HCN1: variants seen among roughly 807,000 people sequenced by gnomAD.
HCN1 encodes the protein hyperpolarization activated cyclic nucleotide gated potassium channel 1.
In HCN1, 13 loss-of-function variants were observed where a neutral mutation model predicts 78.9. That is an observed-to-expected ratio of 0.16 (90% confidence interval 0.11 to 0.26). The LOEUF is 0.26. Among genes scored for constraint, HCN1 ranks in the 10% least tolerant of loss-of-function variants. HCN1 has a pLI of 1.00. For missense variants in HCN1, 810 were observed against 1,154.3 expected, an observed-to-expected ratio of 0.70 and a Z score of 4.32; for synonymous variants, 552 against 455.5, an observed-to-expected ratio of 1.21 and a Z score of -2.70.
intron 1 of HCN1, among the ~76,000 whole-genome samples, chr5:45,652,472 C>T (rs1745692509): frequency 6.6e-6 from 1 of 151,980 alleles, no homozygotes. Flanking sequence ...CCCAACTCTT[C>T]TTCCTTCTAT....
intron 2 of HCN1, among the ~76,000 whole-genome samples, chr5:45,544,263 A>C (rs1485869261): frequency 6.6e-6 from 1 of 152,138 alleles, no homozygotes. Context: ...AGAATGAATT[A>C]GTTTTCATTA....
rs1350645632 is a variant in HCN1, at chr5:45,424,296, C to CAAACAAACAAACAAAAAACAA, written c.1012-27607_1012-27587dup. On this transcript the variant is annotated intron_variant, in intron 3 of 7. Transcript: ENST00000303230. ...TGATAGAGCTAGACTCCGCCTCAAA[C>CAAACAAACAAACAAAAAACAA]AAACAAACAAACAAAAAACAAAAAC... Among the ~76,000 whole-genome samples, 96 of 151,172 alleles carry CAAACAAACAAACAAAAAACAA rather than the reference C, an allele frequency of 6.4e-4. 1 individual carries two copies. Among genetic ancestry groups the CAAACAAACAAACAAAAAACAA allele is most frequent in the African/African-American group, 2.3e-3 (93 of 41,158 alleles).
chr5:45,445,974 A>G (rs1740785641), intron 3 of HCN1, among the ~76,000 whole-genome samples: 1 of 152,238 alleles, frequency 6.6e-6, no homozygotes, highest in African/African-American at 2.4e-5. Context: ...TCTAAAAAGC[A>G]GAGCATCTCT....
chr5:45,369,622 G>A (rs899014401), intron 4 of HCN1, among the ~76,000 whole-genome samples: 1 of 151,864 alleles, frequency 6.6e-6, no homozygotes, highest in African/African-American at 2.4e-5. Context: ...ATTCTTCAGT[G>A]GTAAGAAATT....
At chr5:45,391,585 A>G (rs931264483) in intron 4 of HCN1, among the ~76,000 whole-genome samples, 3 of 152,160 alleles carry the variant, frequency 2.0e-5, no homozygotes, top group Non-Finnish European at 2.9e-5. Context: ...GACAATAATG[A>G]CAAACTCTCC....
At chr5:45,278,971 G>C (rs879517545) in intron 6 of HCN1, among the ~76,000 whole-genome samples, 4 of 152,004 alleles carry the variant, frequency 2.6e-5, no homozygotes, top group Non-Finnish European at 5.9e-5. Context: ...GGCTTACAAA[G>C]CCTAAATATT....
intron 5 of HCN1, among the ~76,000 whole-genome samples, chr5:45,313,823 A>G (rs1167669523): frequency 6.6e-6 from 1 of 152,186 alleles, no homozygotes; most frequent in Non-Finnish European, 1.5e-5. Flanking sequence ...GAGAAAGAAA[A>G]GTAAAAAGAA....
intron 5 of HCN1, among the ~76,000 whole-genome samples, chr5:45,340,644 T>A (rs1036012561): frequency 2.6e-5 from 4 of 151,628 alleles, no homozygotes; most frequent in African/African-American, 9.8e-5. Context: ...AATATGTTGA[T>A]AGAGTTTTTT....
intron 2 of HCN1, among the ~76,000 whole-genome samples, chr5:45,576,859 T>C (rs962025623): frequency 5.9e-5 from 9 of 152,046 alleles, no homozygotes; most frequent in African/African-American, 1.9e-4. Flanking sequence ...TCCCAATTTC[T>C]CCATCAGCCC....
intron 1 of HCN1, among the ~76,000 whole-genome samples, chr5:45,675,608 G>A (rs1469837080): frequency 6.6e-6 from 1 of 151,654 alleles, no homozygotes; most frequent in Non-Finnish European, 1.5e-5. Flanking sequence ...AGTACCTTTT[G>A]ACCATTCCCT....
chr5:45,625,085 T>C (rs1745137042), intron 2 of HCN1, among the ~76,000 whole-genome samples: 1 of 152,108 alleles, frequency 6.6e-6, no homozygotes, highest in South Asian at 2.1e-4. Context: ...GCGTAGTGGC[T>C]CATGCCTGTA....
In HCN1 at chr5:45,265,018, G is replaced by A. The variant is rs548988987; in HGVS notation, c.1783+2071C>T. Reference sequence around the variant, plus strand: ...GTCCTGGCCAACATGGTGAAACCCCGTCTCTACTAAAAATACAAAATATTA... The same window carrying A: ...GTCCTGGCCAACATGGTGAAACCCCATCTCTACTAAAAATACAAAATATTA... On this transcript the variant is annotated intron_variant, in intron 7 of 7. Transcript: ENST00000303230. Among the ~76,000 whole-genome samples, 81 of 152,038 alleles carry A rather than the reference G, an allele frequency of 5.3e-4. 1 individual carries two copies. Among genetic ancestry groups the A allele is most frequent in the Middle Eastern group, 3.4e-3 (1 of 294 alleles).
chr5:45,286,096 A>G (rs1229172208), intron 6 of HCN1, among the ~76,000 whole-genome samples: 1 of 152,024 alleles, frequency 6.6e-6, no homozygotes, highest in Non-Finnish European at 1.5e-5. Context: ...TTCTCATTAT[A>G]TAGGAAAAAG....
At chr5:45,695,531 T>C (rs1001176752) in intron 1 of HCN1, 138 bp downstream of exon 1, 1 of 806,030 alleles carries the variant, frequency 1.2e-6, no homozygotes, top group Non-Finnish European at 2.0e-6. Context: ...GGAGCCTGCT[T>C]AGCCCGAGCC....
chr5:45,397,108 C>G (rs1280451069), intron 3 of HCN1, among the ~76,000 whole-genome samples: 1 of 151,910 alleles, frequency 6.6e-6, no homozygotes, highest in Non-Finnish European at 1.5e-5. Flanking sequence ...ACATACAGGC[C>G]AAAGTATAAA....
intron 2 of HCN1, among the ~76,000 whole-genome samples, chr5:45,616,656 C>T (rs1265044839): frequency 6.6e-6 from 1 of 151,864 alleles, no homozygotes; most frequent in Non-Finnish European, 1.5e-5. Context: ...TTTTACATTA[C>T]ATTGAAGATC....
intron 6 of HCN1, among the ~76,000 whole-genome samples, chr5:45,281,272 C>G (rs539709411): frequency 7.2e-5 from 11 of 151,908 alleles, no homozygotes; most frequent in African/African-American, 2.4e-4. Context: ...AGTGAGTACT[C>G]AAGACTTCTG....
At chr5:45,314,726 A>C (rs1235417949) in intron 5 of HCN1, among the ~76,000 whole-genome samples, 3 of 152,194 alleles carry the variant, frequency 2.0e-5, no homozygotes, top group Non-Finnish European at 4.4e-5. Flanking sequence ...AAGATCTACC[A>C]AGCAAATAGA....
At chr5:45,489,079 G>T (rs1244829355) in intron 2 of HCN1, among the ~76,000 whole-genome samples, 1 of 152,164 alleles carries the variant, frequency 6.6e-6, no homozygotes, top group East Asian at 1.9e-4. Context: ...TTCCTGAGCA[G>T]GGAATCGTTA....
Sources: allele counts gnomAD v4.1 joint callset (sites outside exome capture counted in the v4.1 genomes callset), GRCh38; gene constraint gnomAD v4.1.1; transcripts MANE v1.5; gene names NCBI Gene and HGNC (gene_info 2026-07-23, HGNC 2026-07-21).